FAM185A: variants seen among roughly 807,000 people sequenced by gnomAD.
The protein encoded by FAM185A is family with sequence similarity 185 member A.
Under a neutral mutation model 45.7 loss-of-function variants are expected in FAM185A, and 21 were observed. That is an observed-to-expected ratio of 0.46 (90% CI 0.33 to 0.66). The LOEUF (loss-of-function observed/expected upper bound fraction) is 0.66, where lower values mean the gene tolerates loss of function less well. Among genes scored for constraint, FAM185A ranks in the 30% least tolerant of loss-of-function variants. The pLI is 0.03. For synonymous variants in FAM185A, 117 were observed against 194.0 expected, an observed-to-expected ratio of 0.60 and a Z score of 3.30; for missense variants, 305 against 485.4, an observed-to-expected ratio of 0.63 and a Z score of 3.49.
the FAM185A span, among the ~76,000 whole-genome samples, chr7:102,836,210 T>G: frequency 6.6e-6 from 1 of 152,300 alleles, no homozygotes; most frequent in South Asian, 2.1e-4. Context: ...AACTTAAAAA[T>G]GATTACAAGG....
intron 2 of FAM185A, among the ~76,000 whole-genome samples, chr7:102,752,497 C>T (rs1423241544): frequency 2.0e-5 from 3 of 152,012 alleles, no homozygotes; most frequent in African/African-American, 7.2e-5. Context: ...GTCTCGATCT[C>T]CTGACCTCGT....
At chr7:102,750,122 C>T (rs748897287) in intron 1 of FAM185A, among the ~76,000 whole-genome samples, 5 of 152,198 alleles carry the variant, frequency 3.3e-5, no homozygotes, top group African/African-American at 9.7e-5. Flanking sequence ...TAGACGGGCG[C>T]CCAGCTTCTT....
chr7:102,753,837 A>G (rs902140829), intron 2 of FAM185A, among the ~76,000 whole-genome samples: 4 of 152,212 alleles, frequency 2.6e-5, no homozygotes, highest in Non-Finnish European at 5.9e-5. Context: ...TACAGGATAG[A>G]AAGAGTTTTG....
At chr7:102,822,456 A>G in the FAM185A span, 1 of 603,482 alleles carries the variant, frequency 1.7e-6, no homozygotes, top group Non-Finnish European at 3.1e-6. Flanking sequence ...CACATGGCAG[A>G]GAGAGAGAGA....
the FAM185A span, among the ~76,000 whole-genome samples, chr7:102,830,389 C>CTG: frequency 6.6e-6 from 1 of 152,288 alleles, no homozygotes; most frequent in East Asian, 1.9e-4. Flanking sequence ...GCCCATATGT[C>CTG]TGTGTGCTAT....
chr7:102,813,236 G>T (rs1797555838), downstream of FAM185A: 2 of 998,720 alleles, frequency 2.0e-6, no homozygotes, highest in Non-Finnish European at 3.0e-6. Flanking sequence ...ATGGTTTGTT[G>T]CTTGTTTACA....
In FAM185A at chr7:102,749,345, C is replaced by G. The variant is rs1793189338; in HGVS notation, c.138C>G (p.Arg46=). The G allele has an allele frequency of 1.3e-6, 2 of 1,549,128 alleles. No individual in the cohort carries two copies. The highest frequency in any genetic ancestry group is 1.4e-5 in the African/African-American group (1 of 73,014). The change falls in exon 1 of 8, where the codon CGC becomes CGG. Residue 46 remains arginine, a synonymous_variant. Transcript: ENST00000413034. ...CGTACAGCTCAGGTGGGAGCGAGCG[C>G]TGGCCCGGATCGGAGACTGAGGTCC... ...ARPYSSGGSE[R]WPGSETEVPP... is the part of the protein sequence containing the mutation.
At chr7:102,785,635 A>G (rs577282330) in intron 6 of FAM185A, among the ~76,000 whole-genome samples, 2,217 of 151,502 alleles carry the variant, frequency 0.015, 28 homozygotes, top group African/African-American at 0.05. Context: ...ATATGTAGAA[A>G]GCTGAAACTG....
intron 7 of FAM185A, among the ~76,000 whole-genome samples, chr7:102,789,230 G>C (rs1258131999): frequency 6.6e-6 from 1 of 152,124 alleles, no homozygotes; most frequent in Admixed American, 6.5e-5. Context: ...TGATCCTTCT[G>C]CCTCAGCCTC....
At chr7:102,829,182 C>A in the FAM185A span, among the ~76,000 whole-genome samples, 2 of 152,204 alleles carry the variant, frequency 1.3e-5, no homozygotes, top group Admixed American at 6.5e-5. Context: ...GAGATTTCAT[C>A]CACCTTGAGC....
chr7:102,751,842 A>T, intron 2 of FAM185A, 41 bp downstream of exon 2: 1 of 1,265,904 alleles, frequency 7.9e-7, no homozygotes, highest in East Asian at 2.6e-5. Context: ...TTATTTTTTT[A>T]AAAGCCTTAA....
At chr7:102,782,704 T>C (rs929110081) in intron 6 of FAM185A, among the ~76,000 whole-genome samples, 3 of 152,040 alleles carry the variant, frequency 2.0e-5, no homozygotes, top group African/African-American at 7.3e-5. Flanking sequence ...ACATGCCAAA[T>C]TGTGAAGACC....
intron 5 of FAM185A, among the ~76,000 whole-genome samples, chr7:102,776,715 A>G (rs934019223): frequency 9.9e-5 from 15 of 151,392 alleles, no homozygotes; most frequent in Admixed American, 9.9e-4. Flanking sequence ...AAAAAAAAAA[A>G]AAAAGAAAAA....
chr7:102,825,890 C>T, the FAM185A span, among the ~76,000 whole-genome samples: 1 of 152,230 alleles, frequency 6.6e-6, no homozygotes, highest in African/African-American at 2.4e-5. Flanking sequence ...TGCTTAAATT[C>T]TCCGAGCCTC....
At chr7:102,825,327 A>T in the FAM185A span, among the ~76,000 whole-genome samples, 1 of 152,128 alleles carries the variant, frequency 6.6e-6, no homozygotes, top group Non-Finnish European at 1.5e-5. Flanking sequence ...TGAGAGTGGG[A>T]CTGGTGGCTT....
the FAM185A span, among the ~76,000 whole-genome samples, chr7:102,837,686 T>C: frequency 2.6e-5 from 4 of 152,130 alleles, no homozygotes; most frequent in Non-Finnish European, 4.4e-5. Flanking sequence ...CTTCCACATA[T>C]GTGCATGCTA....
chr7:102,834,774 G>T, the FAM185A span: 1 of 151,820 alleles, frequency 6.6e-6, no homozygotes, highest in Non-Finnish European at 1.5e-5. Flanking sequence ...ACGATGTATT[G>T]TATACTTGAA....
At chr7:102,824,635 G>A in the FAM185A span, among the ~76,000 whole-genome samples, 28 of 151,946 alleles carry the variant, frequency 1.8e-4, no homozygotes, top group East Asian at 3.9e-4. Context: ...ACAGGTGCCC[G>A]CCACCACGCC....
the FAM185A span, among the ~76,000 whole-genome samples, chr7:102,828,935 C>A: frequency 6.6e-6 from 1 of 152,134 alleles, no homozygotes; most frequent in Non-Finnish European, 1.5e-5. Flanking sequence ...AGTTCTCTCC[C>A]TTTTGTAGAT....
Sources: allele counts gnomAD v4.1 joint callset (sites outside exome capture counted in the v4.1 genomes callset), GRCh38; gene constraint gnomAD v4.1.1; transcripts MANE v1.5; gene names NCBI Gene and HGNC (gene_info 2026-07-23, HGNC 2026-07-21).